WDFY1: variants seen among roughly 807,000 people sequenced by gnomAD.
WDFY1 encodes the protein WD repeat and FYVE domain-containing protein 1.
Under a neutral mutation model 56.4 loss-of-function variants are expected in WDFY1, and 32 were observed. That is an observed-to-expected ratio of 0.57 (90% CI 0.43 to 0.76). The LOEUF (loss-of-function observed/expected upper bound fraction) is 0.76. Ranked by LOEUF, WDFY1 falls within the 30% of genes least tolerant of loss-of-function variation. WDFY1 has a pLI of 0.00. For synonymous variants in WDFY1, 192 were observed against 197.3 expected, an observed-to-expected ratio of 0.97 and a Z score of 0.23; for missense variants, 480 against 545.7, an observed-to-expected ratio of 0.88 and a Z score of 1.20.
intron 3 of WDFY1, among the ~76,000 whole-genome samples, chr2:223,909,681 CT>C (rs2106087374): frequency 6.6e-6 from 1 of 152,246 alleles, no homozygotes; most frequent in South Asian, 2.1e-4. Flanking sequence ...AGCCAAAAAC[CT>C]GGCTGTCATC....
chr2:223,903,091 T>A (rs1177588776), intron 4 of WDFY1, among the ~76,000 whole-genome samples: 2 of 152,180 alleles, frequency 1.3e-5, no homozygotes, highest in Non-Finnish European at 2.9e-5. Flanking sequence ...TTTTAAACTC[T>A]CACTTGGCAA....
rs1417563861 is a variant in WDFY1, at chr2:223,912,851, T to TC, written c.206-526dup. On this transcript the variant is annotated intron_variant, in intron 2 of 11. Coordinates refer to ENST00000233055, the MANE Select transcript of WDFY1 (RefSeq NM_020830.5). Reference sequence around the variant, plus strand: ...CCTCCTTCCATGTTCTACCCTACCCTCTTCCAGAAATCACAGGCTAGAGAA... The same window carrying TC: ...CCTCCTTCCATGTTCTACCCTACCCTCCTTCCAGAAATCACAGGCTAGAGAA... Among the ~76,000 whole-genome samples the TC allele has an allele frequency of 6.6e-5, 10 of 152,278 alleles. No homozygotes were observed. In the East Asian group the frequency reaches 9.6e-4, roughly 15 times the overall value.
intron 1 of WDFY1, among the ~76,000 whole-genome samples, chr2:223,944,185 G>C (rs1036263225): frequency 6.6e-6 from 1 of 152,352 alleles, no homozygotes; most frequent in South Asian, 2.1e-4. Context: ...TGAAATCCCT[G>C]AGTACAGGGG....
chr2:223,904,791 T>A (rs1693569893), intron 4 of WDFY1, among the ~76,000 whole-genome samples: 1 of 152,230 alleles, frequency 6.6e-6, no homozygotes, highest in African/African-American at 2.4e-5. Flanking sequence ...TTTCTGGGAA[T>A]CAGCTAATTG....
At chr2:223,882,830 C>A (rs776344862) in intron 9 of WDFY1, among the ~76,000 whole-genome samples, 1 of 152,006 alleles carries the variant, frequency 6.6e-6, no homozygotes, top group African/African-American at 2.4e-5. Context: ...CAGACTCAAG[C>A]GATCCTCCCA....
chr2:223,942,077 G>C (rs1360841943), intron 1 of WDFY1, among the ~76,000 whole-genome samples: 1 of 152,164 alleles, frequency 6.6e-6, no homozygotes, highest in Non-Finnish European at 1.5e-5. Flanking sequence ...AGCTCCCCCA[G>C]AACGTTTCAG....
At chr2:223,920,061 G>A (rs1462853337) in intron 1 of WDFY1, among the ~76,000 whole-genome samples, 5 of 152,220 alleles carry the variant, frequency 3.3e-5, no homozygotes, top group South Asian at 2.1e-4. Flanking sequence ...GAGTCCCCAC[G>A]TCCTCATTCA....
At chr2:223,903,879 A>G (rs1463037614) in intron 4 of WDFY1, among the ~76,000 whole-genome samples, 1 of 151,900 alleles carries the variant, frequency 6.6e-6, no homozygotes, top group African/African-American at 2.4e-5. Flanking sequence ...TTGGCTTCTC[A>G]AAGTGCTAGG....
chr2:223,945,084 C>A, intron 1 of WDFY1, 64 bp downstream of exon 1: 2 of 1,494,930 alleles, frequency 1.3e-6, no homozygotes, highest in Non-Finnish European at 1.8e-6. Context: ...GGGCCGCGGA[C>A]CCCACCGCCC....
Position 223,875,981 on chromosome 2 carries a change from A to T in WDFY1, c.*2690T>A, listed in dbSNP as rs1292987847. ...GGGAGAACAAAGTAATACATTCTAG[A>T]GCAATAGTATTTCTTTATATCCTTT... is the stretch of plus-strand genomic sequence containing the variant. On this transcript the variant is annotated 3_prime_UTR_variant, in exon 12 of 12. Transcript: ENST00000233055. The T allele has an allele frequency of 6.6e-6, 1 of 152,162 alleles. No homozygotes were observed. The highest frequency in any genetic ancestry group is 2.4e-5 in the African/African-American group (1 of 41,446). The allele number at this position is 152,162 out of a possible 1,614,324, so 9.4% of individuals were successfully genotyped here.
chr2:223,905,529 AG>A (rs973018066), intron 4 of WDFY1, among the ~76,000 whole-genome samples: 2 of 152,146 alleles, frequency 1.3e-5, no homozygotes, highest in Admixed American at 1.3e-4. Context: ...AATGAATTAT[AG>A]GATTAGAGTC....
intron 2 of WDFY1, among the ~76,000 whole-genome samples, chr2:223,912,772 G>A (rs1693726903): frequency 6.6e-6 from 1 of 152,196 alleles, no homozygotes. Context: ...GAGCATATGT[G>A]AGGTGCAGAT....
intron 1 of WDFY1, among the ~76,000 whole-genome samples, chr2:223,925,846 T>C (rs564269187): frequency 6.6e-6 from 1 of 152,350 alleles, no homozygotes; most frequent in African/African-American, 2.4e-5. Flanking sequence ...TGAAACTCTT[T>C]AAACATTCAG....
chr2:223,918,178 T>C (rs1036662376), intron 1 of WDFY1, among the ~76,000 whole-genome samples, 168 bp from the exon 2 acceptor site: 1 of 151,906 alleles, frequency 6.6e-6, no homozygotes, highest in African/African-American at 2.4e-5. Flanking sequence ...CATACATATA[T>C]AGTATATAAC....
intron 3 of WDFY1, among the ~76,000 whole-genome samples, chr2:223,911,569 CACA>C (rs1693701546): frequency 1.3e-3 from 24 of 18,364 alleles, no homozygotes; most frequent in Admixed American, 0.012. Context: ...TGAATGACCA[CACA>C]CACACACACA....
intron 1 of WDFY1, among the ~76,000 whole-genome samples, chr2:223,920,436 A>G (rs1021159342): frequency 3.4e-4 from 52 of 152,234 alleles, no homozygotes; most frequent in African/African-American, 1.3e-3. Flanking sequence ...TATTAATAAC[A>G]TGTGCAGTAT....
intron 1 of WDFY1, among the ~76,000 whole-genome samples, chr2:223,939,865 G>T (rs950212976): frequency 6.6e-6 from 1 of 152,126 alleles, no homozygotes; most frequent in Non-Finnish European, 1.5e-5. Context: ...ATGTTCCCTG[G>T]GTGGGAAAAC....
chr2:223,938,225 A>G (rs1028250631), intron 1 of WDFY1, among the ~76,000 whole-genome samples: 3 of 152,230 alleles, frequency 2.0e-5, no homozygotes, highest in Non-Finnish European at 4.4e-5. Context: ...ATGCAACAGT[A>G]TAAGTACGTC....
At chr2:223,944,227 C>T (rs1329272489) in intron 1 of WDFY1, among the ~76,000 whole-genome samples, 1 of 152,166 alleles carries the variant, frequency 6.6e-6, no homozygotes, top group Non-Finnish European at 1.5e-5. Flanking sequence ...TGGAGTTCCT[C>T]GCAAAGAAGC....
Sources: gnomAD v4.1 joint callset for allele counts (sites outside exome capture counted in the v4.1 genomes callset) on GRCh38, gnomAD v4.1.1 for gene constraint, MANE v1.5 for transcripts, NCBI Gene and HGNC (gene_info 2026-07-23, HGNC 2026-07-21) for gene names.